Variants in DERA observed in about 807,000 individuals in gnomAD.
The protein encoded by DERA is 2-deoxy-D-ribose 5-phosphate aldolase.
In DERA, 15 loss-of-function variants were observed where a neutral mutation model predicts 41.1. The ratio of observed to expected loss-of-function variants is 0.37; its 90% CI spans 0.24 to 0.56. The LOEUF (loss-of-function observed/expected upper bound fraction) is 0.56, where lower values mean the gene tolerates loss of function less well. Among genes scored for constraint, DERA ranks in the 20% least tolerant of loss-of-function variants. DERA has a pLI of 0.81. For synonymous variants in DERA, 139 were observed against 137.4 expected (o/e 1.01, Z -0.08); for missense variants, 396 against 403.4 (o/e 0.98, Z 0.16).
chr12:15,945,153 T>A (rs1948437573), intron 1 of DERA, among the ~76,000 whole-genome samples: 1 of 152,234 alleles, frequency 6.6e-6, no homozygotes, highest in South Asian at 2.1e-4. Context: ...TAGTTTGAAG[T>A]CAGGTAGCGT....
At position 15,981,111 on chromosome 12, in the gene DERA, C is replaced by T. The variant is rs572520122; in HGVS notation, c.509-1197C>T. On this transcript the variant is annotated intron_variant, in intron 5 of 8. Coordinates refer to ENST00000428559, the MANE Select transcript of DERA (RefSeq NM_015954.4). This position sits in a 1 kb window ranked among gnomAD's most constrained non-coding sequence, Gnocchi z 6.1. ...CACCTGTAATCCCAGCACTTTGGGA[C>T]GCTGAGGCAGGCGGATTACCAGATC... is the stretch of plus-strand genomic sequence containing the variant. 1.3e-5 allele frequency among the ~76,000 whole-genome samples: 2 copies of T among 152,162 alleles called. No individual in the cohort carries two copies. Among genetic ancestry groups the T allele is most frequent in the Admixed American group, 6.5e-5 (1 of 15,278 alleles).
At position 16,024,017 on chromosome 12, in the gene DERA, G is replaced by C. The variant is rs1949037038; in HGVS notation, c.638-8525G>C. Among the ~76,000 whole-genome samples, 4 of 152,068 alleles carry C rather than the reference G, an allele frequency of 2.6e-5. No individual in the cohort carries two copies. The South Asian group carries it at 8.3e-4, about 32-fold the overall frequency. On this transcript the variant is annotated intron_variant, in intron 6 of 8. Transcript: ENST00000428559. ...GACAAAATGAAGAATGCTTTTGATG[G>C]GTACATCAGTAAGCTGGAAACTGCT...
In DERA at chr12:15,937,100, A is replaced by G. The variant is rs948407957; in HGVS notation, c.32-19836A>G. Among the ~76,000 whole-genome samples the G allele has an allele frequency of 4.6e-5, 7 of 152,120 alleles. 1 individual carries two copies. Among genetic ancestry groups the G allele is most frequent in the Admixed American group, 4.6e-4 (7 of 15,260 alleles). ...CTCCTGTATAGCTGGGACCACTGGC[A>G]TGCACCAGCACGACCTGGCTAATTT... On this transcript the variant is annotated intron_variant, in intron 1 of 8. Transcript: ENST00000428559.
intron 6 of DERA, among the ~76,000 whole-genome samples, chr12:16,007,189 G>GT (rs11287161): frequency 0.031 from 3,234 of 104,764 alleles, 43 homozygotes; most frequent in Middle Eastern, 0.055. Flanking sequence ...TTTTTTTTTT[G>GT]TTTTTTTTTT....
In DERA at chr12:16,014,375, C is replaced by G. The variant is rs567926820; in HGVS notation, c.638-18167C>G. Among the ~76,000 whole-genome samples the G allele has an allele frequency of 2.0e-5, 3 of 152,200 alleles. No homozygotes were observed. Among genetic ancestry groups the G allele is most frequent in the African/African-American group, 7.2e-5 (3 of 41,444 alleles). On this transcript the variant is annotated intron_variant, in intron 6 of 8. Coordinates refer to ENST00000428559, the MANE Select transcript of DERA (RefSeq NM_015954.4). This position sits in a 1 kb window ranked among gnomAD's most constrained non-coding sequence, Gnocchi z 5.4. ...AGGGCCTTGCTACTTTGTATAGTCT[C>G]AGGACTTGGTGCCCTGCATCCCGGC...
chr12:15,991,523 A>C (rs753269889), intron 6 of DERA, among the ~76,000 whole-genome samples: 4 of 152,168 alleles, frequency 2.6e-5, no homozygotes, highest in Admixed American at 6.5e-5. Flanking sequence ...TATCCAAATA[A>C]AAATCTTTTA....
chr12:15,938,315 A>G lies in DERA; in HGVS notation c.32-18621A>G, dbSNP rs1305771249. Among the ~76,000 whole-genome samples, 1 of 152,202 alleles carries G rather than the reference A, an allele frequency of 6.6e-6. No homozygotes were observed. Among genetic ancestry groups the G allele is most frequent in the Non-Finnish European group, 1.5e-5 (1 of 68,024 alleles). ...TATAATTAAAAATATTGAATGATAC[A>G]TTGCCTTTATTTTATTGGTAGATCT... On this transcript the variant is annotated intron_variant, in intron 1 of 8. Transcript: ENST00000428559. The surrounding 1 kb of genome is among the most constrained non-coding windows in gnomAD (Gnocchi z 4.1).
At chr12:15,991,180 G>T (rs1255269739) in intron 6 of DERA, among the ~76,000 whole-genome samples, 1 of 152,064 alleles carries the variant, frequency 6.6e-6, no homozygotes, top group Non-Finnish European at 1.5e-5. Flanking sequence ...TCTCATTGTG[G>T]TTTTGATTTG....
rs1948654096 is a variant in DERA, at chr12:15,970,738, T to C, written c.508+7791T>C. On this transcript the variant is annotated intron_variant, in intron 5 of 8. Transcript: ENST00000428559. This position sits in a 1 kb window ranked among gnomAD's most constrained non-coding sequence, Gnocchi z 4.3. ...AAGATGTACACATGTACTTGGTATA[T>C]CTGTAGACCTGATTCTTTCCATGTT... Among the ~76,000 whole-genome samples, 1 of 152,172 alleles carries C rather than the reference T, an allele frequency of 6.6e-6. No homozygotes were observed. Among genetic ancestry groups the C allele is most frequent in the Non-Finnish European group, 1.5e-5 (1 of 68,030 alleles).
chr12:16,027,441 G>A (rs1028967408), intron 6 of DERA, among the ~76,000 whole-genome samples: 2 of 152,186 alleles, frequency 1.3e-5, no homozygotes, highest in African/African-American at 4.8e-5. Flanking sequence ...TTGATTTAAA[G>A]GTCTTGCAGT....
rs1948952892 is a variant in DERA, at chr12:16,012,484, G to A, written c.638-20058G>A. On this transcript the variant is annotated intron_variant, in intron 6 of 8. Coordinates refer to ENST00000428559, the MANE Select transcript of DERA (RefSeq NM_015954.4). This position sits in a 1 kb window ranked among gnomAD's most constrained non-coding sequence, Gnocchi z 4.1. Reference sequence around the variant, plus strand: ...CCCCTGTCCCTTAAAGAGATATTCTGTTTTTTTCTAAGGAGGGCAGGTTGA... The same window carrying A: ...CCCCTGTCCCTTAAAGAGATATTCTATTTTTTTCTAAGGAGGGCAGGTTGA... Among the ~76,000 whole-genome samples, 1 of 152,136 alleles carries A rather than the reference G, an allele frequency of 6.6e-6. No individual in the cohort carries two copies. Among genetic ancestry groups the A allele is most frequent in the East Asian group, 1.9e-4 (1 of 5,194 alleles).
chr12:15,935,174 A>G lies in DERA; in HGVS notation c.32-21762A>G. 6.6e-6 allele frequency among the ~76,000 whole-genome samples: 1 copy of G among 152,192 alleles called. No homozygotes were observed. ...TTTAAATACATGGACATCCATTGCTATGATATTTTAAAGTTTCACTGTAAT... is the reference window on the plus strand; with the variant it reads ...TTTAAATACATGGACATCCATTGCTGTGATATTTTAAAGTTTCACTGTAAT... On this transcript the variant is annotated intron_variant, in intron 1 of 8. Coordinates refer to ENST00000428559, the MANE Select transcript of DERA (RefSeq NM_015954.4). This position sits in a 1 kb window ranked among gnomAD's most constrained non-coding sequence, Gnocchi z 4.8.
chr12:16,026,761 T>C lies in DERA; in HGVS notation c.638-5781T>C, dbSNP rs950537538. Among the ~76,000 whole-genome samples, 1 of 152,082 alleles carries C rather than the reference T, an allele frequency of 6.6e-6. No homozygotes were observed. Among genetic ancestry groups the C allele is most frequent in the Non-Finnish European group, 1.5e-5 (1 of 67,996 alleles). On this transcript the variant is annotated intron_variant, in intron 6 of 8. Transcript: ENST00000428559. This position sits in a 1 kb window ranked among gnomAD's most constrained non-coding sequence, Gnocchi z 4.4. ...TAAGGAAGATATAATACCAGTCTTC[T>C]ACAATCTCTTCCGGAAAATAGAAGA...
intron 1 of DERA, among the ~76,000 whole-genome samples, chr12:15,932,289 A>ATG (rs752194273): frequency 7.2e-5 from 11 of 152,148 alleles, no homozygotes; most frequent in Non-Finnish European, 1.0e-4. Flanking sequence ...GTGTGTAAAT[A>ATG]TGTGTGTGTG....
At chr12:16,029,298 C>T (rs889692110) in intron 6 of DERA, among the ~76,000 whole-genome samples, 1 of 151,868 alleles carries the variant, frequency 6.6e-6, no homozygotes, top group African/African-American at 2.4e-5. Flanking sequence ...TGGCGGGCGC[C>T]TGTAGTCCCA....
rs1351760563 is a variant in DERA at position 15,998,122 on chromosome 12, T to G, written c.637+15686T>G. 6.6e-6 allele frequency among the ~76,000 whole-genome samples: 1 copy of G among 152,174 alleles called. No individual in the cohort carries two copies. Among genetic ancestry groups the G allele is most frequent in the African/African-American group, 2.4e-5 (1 of 41,422 alleles). ...CATTAGAGTTTCCTGGCAAGCTTCT[T>G]TAATGAACTGTTGCAATGATCTTCC... On this transcript the variant is annotated intron_variant, in intron 6 of 8. Coordinates refer to ENST00000428559, the MANE Select transcript of DERA (RefSeq NM_015954.4). This position sits in a 1 kb window ranked among gnomAD's most constrained non-coding sequence, Gnocchi z 4.8.
At position 15,982,756 on chromosome 12, in the gene DERA, T is replaced by A. The variant is rs1048758726; in HGVS notation, c.637+320T>A. Among the ~76,000 whole-genome samples, 1 of 152,216 alleles carries A rather than the reference T, an allele frequency of 6.6e-6. No individual in the cohort carries two copies. Among genetic ancestry groups the A allele is most frequent in the African/African-American group, 2.4e-5 (1 of 41,452 alleles). On this transcript the variant is annotated intron_variant, in intron 6 of 8. Transcript: ENST00000428559. The surrounding 1 kb of genome is among the most constrained non-coding windows in gnomAD (Gnocchi z 4.0). ...TCATCAACATATGTTAGACAGGAATTTCTTTGACTTACTCCTCTCTGAATT... is the reference window on the plus strand; with the variant it reads ...TCATCAACATATGTTAGACAGGAATATCTTTGACTTACTCCTCTCTGAATT...
chr12:15,911,551 C>T lies in DERA; in HGVS notation c.31+137C>T. 3.4e-6 allele frequency: 3 copies of T among 875,924 alleles called. No homozygotes were observed. Among genetic ancestry groups the T allele is most frequent in the Non-Finnish European group, 5.2e-6 (3 of 581,386 alleles). 54.3% of individuals were successfully genotyped at this position (875,924 alleles called of 1,614,324 possible). A position where few individuals can be genotyped will look rare whatever the true frequency, so the allele number is the denominator to read the frequency against. On this transcript the variant is annotated intron_variant, in intron 1 of 8. Transcript: ENST00000428559. This position sits in a 1 kb window ranked among gnomAD's most constrained non-coding sequence, Gnocchi z 4.5. ...TCGCTGGGGCGGGAAGCAGTGGCGT[C>T]TGGTCAGCCCTCACCCCAAGTAAAG...
At position 15,996,959 on chromosome 12, in the gene DERA, G is replaced by A. The variant is rs189838910; in HGVS notation, c.637+14523G>A. Among the ~76,000 whole-genome samples the A allele has an allele frequency of 9.6e-4, 146 of 152,268 alleles. No individual in the cohort carries two copies. The highest frequency in any genetic ancestry group is 3.4e-3 in the African/African-American group (142 of 41,550). On this transcript the variant is annotated intron_variant, in intron 6 of 8. Coordinates refer to ENST00000428559, the MANE Select transcript of DERA (RefSeq NM_015954.4). The surrounding 1 kb of genome is among the most constrained non-coding windows in gnomAD (Gnocchi z 4.7). ...GACTAAAATAAAGAATGAGGCATTA[G>A]GAGATAAATTTGCTTATGAGCAAGA...
Sources: gnomAD v4.1 joint callset for allele counts (sites outside exome capture counted in the v4.1 genomes callset) on GRCh38, gnomAD v4.1.1 for gene constraint, Gnocchi (gnomAD v3.1) non-coding constraint, MANE v1.5 for transcripts, NCBI Gene and HGNC (gene_info 2026-07-23, HGNC 2026-07-21) for gene names.